NEIL2: variants seen among roughly 807,000 people sequenced by gnomAD.
NEIL2 encodes nei like DNA glycosylase 2.
Under a neutral mutation model 22.2 loss-of-function variants are expected in NEIL2, and 23 were observed. The observed-to-expected ratio is 1.04, with a 90% CI of 0.75 to 1.47. NEIL2 has a LOEUF of 1.47. Ranked by LOEUF, NEIL2 falls within the 40% of genes most tolerant of loss-of-function variation. The pLI is 0.00. For synonymous variants in NEIL2, 229 were observed against 164.8 expected, an observed-to-expected ratio of 1.39 and a Z score of -2.99; for missense variants, 583 against 404.7, an observed-to-expected ratio of 1.44 and a Z score of -3.78.
chr8:11,783,162 G>A, intron 3 of NEIL2, 41 bp from the exon 4 acceptor site: 1 of 1,578,504 alleles, frequency 6.3e-7, no homozygotes, highest in Non-Finnish European at 8.7e-7. Context: ...TGACTATACT[G>A]TGGTAACGAT....
At chr8:11,780,684 A>G (rs754636088) in intron 3 of NEIL2, among the ~76,000 whole-genome samples, 1 of 152,172 alleles carries the variant, frequency 6.6e-6, no homozygotes, top group Non-Finnish European at 1.5e-5. Flanking sequence ...GCTTGGCCCC[A>G]GTTTTTATAA....
At chr8:11,777,418 C>G (rs966715535) in intron 2 of NEIL2, among the ~76,000 whole-genome samples, 2 of 149,292 alleles carry the variant, frequency 1.3e-5, no homozygotes, top group Non-Finnish European at 1.5e-5. Context: ...ACTGTCTTAA[C>G]CATTTTAAAG....
At chr8:11,782,689 A>G in intron 3 of NEIL2, 1 of 196,470 alleles carries the variant, frequency 5.1e-6, no homozygotes, top group Non-Finnish European at 1.1e-5. Context: ...TTATAAAATC[A>G]AAAATTAAAA....
intron 2 of NEIL2, 69 bp downstream of exon 2, chr8:11,771,654 A>G (rs1803455603): frequency 6.6e-7 from 1 of 1,523,360 alleles, no homozygotes; most frequent in Non-Finnish European, 8.9e-7. Context: ...ATCTATCCCC[A>G]TATGTCTCAG....
chr8:11,774,148 G>C (rs1803709361), intron 2 of NEIL2, among the ~76,000 whole-genome samples: 1 of 152,140 alleles, frequency 6.6e-6, no homozygotes, highest in South Asian at 2.1e-4. Context: ...GGCAGAGGTG[G>C]GCAGGTCGCC....
intron 2 of NEIL2, among the ~76,000 whole-genome samples, chr8:11,779,149 C>G (rs974035870): frequency 1.3e-4 from 20 of 152,036 alleles, no homozygotes; most frequent in South Asian, 8.3e-4. Context: ...GTCCAATATG[C>G]TGGTGGAGGG....
chr8:11,784,925 G>A (rs2130544038), intron 4 of NEIL2, among the ~76,000 whole-genome samples: 1 of 152,308 alleles, frequency 6.6e-6, no homozygotes, highest in Admixed American at 6.5e-5. Flanking sequence ...CCAGAGTGCA[G>A]TGGCACAATC....
intron 3 of NEIL2, chr8:11,782,735 G>T (rs1186744585): frequency 4.0e-6 from 1 of 248,868 alleles, no homozygotes; most frequent in Non-Finnish European, 8.0e-6. Flanking sequence ...CTGTATGTGT[G>T]TATGATCCAG....
chr8:11,781,739 C>G (rs1804439436), intron 3 of NEIL2, among the ~76,000 whole-genome samples: 1 of 152,062 alleles, frequency 6.6e-6, no homozygotes, highest in African/African-American at 2.4e-5. Context: ...CTGAGTTTAT[C>G]TACTTTGTTG....
At chr8:11,783,058 T>C in intron 3 of NEIL2, 145 bp from the exon 4 acceptor site, 5 of 743,650 alleles carry the variant, frequency 6.7e-6, no homozygotes, top group Non-Finnish European at 1.2e-5. Context: ...GATGTCTGTA[T>C]GTGTGTATGA....
intron 4 of NEIL2, among the ~76,000 whole-genome samples, chr8:11,784,724 T>G (rs1804741767): frequency 6.6e-6 from 1 of 151,878 alleles, no homozygotes; most frequent in Non-Finnish European, 1.5e-5. Flanking sequence ...GCTGAAAGAG[T>G]ATGGTTGGAA....
Position 11,786,192 on chromosome 8 carries a change from T to G in NEIL2, c.918T>G (p.Asp306Glu). 1 of 1,613,732 alleles carries G rather than the reference T, an allele frequency of 6.2e-7. No individual in the cohort carries two copies. The highest frequency in any genetic ancestry group is 1.1e-5 in the South Asian group (1 of 91,064). The stretch of plus-strand genomic sequence containing the variant: ...TGAAGGAGGCGTTTGGGCCCGAAGA[T>G]GGGTTACAGAGGCTCACCTGGTGGT... ...QVMKEAFGPE[D>E]GLQRLTWWCP... Residue 306 changes from aspartate to glutamate, a missense_variant, in exon 5 of 5, where the codon GAT becomes GAG. Coordinates refer to ENST00000284503, the MANE Select transcript of NEIL2 (RefSeq NM_145043.4).
chr8:11,784,972 G>T (rs750412513), intron 4 of NEIL2, among the ~76,000 whole-genome samples: 16 of 151,442 alleles, frequency 1.1e-4, no homozygotes. Flanking sequence ...TGGCTCAAGC[G>T]ATCCTCCCAC....
intron 3 of NEIL2, among the ~76,000 whole-genome samples, chr8:11,782,286 G>A (rs1293709885): frequency 6.6e-6 from 1 of 152,032 alleles, no homozygotes; most frequent in Non-Finnish European, 1.5e-5. Context: ...TTAGCCAGGT[G>A]TGGTGGTATG....
intron 3 of NEIL2, among the ~76,000 whole-genome samples, chr8:11,782,417 C>A (rs1804505830): frequency 6.6e-6 from 1 of 152,116 alleles, no homozygotes; most frequent in South Asian, 2.1e-4. Context: ...AAGAATGAAA[C>A]TCCATCTCAA....
chr8:11,779,546 C>T, intron 2 of NEIL2, 52 bp from the exon 3 acceptor site: 2 of 1,357,954 alleles, frequency 1.5e-6, no homozygotes, highest in South Asian at 1.2e-5. Flanking sequence ...CCGCATTCCC[C>T]AGTTCCCCTC....
chr8:11,786,231 G>C lies in NEIL2; in HGVS notation c.957G>C (p.Gln319His). Reference protein sequence around the residue: ...QRLTWWCPQCQPQLSEEPEQC... With the variant: ...QRLTWWCPQCHPQLSEEPEQC... ...TCACCTGGTGGTGCCCGCAGTGCCAGCCCCAGTTGTCAGAGGAGCCAGAGC... is the reference window on the plus strand; with the variant it reads ...TCACCTGGTGGTGCCCGCAGTGCCACCCCCAGTTGTCAGAGGAGCCAGAGC... The change falls in exon 5 of 5, where the codon CAG becomes CAC. Residue 319 changes from glutamine to histidine, a missense_variant. By Grantham distance (24) the Gln-to-His change is conservative. Coordinates refer to ENST00000284503, the MANE Select transcript of NEIL2 (RefSeq NM_145043.4). 3 of 1,613,072 alleles carry C rather than the reference G, an allele frequency of 1.9e-6. No homozygotes were observed. Among genetic ancestry groups the C allele is most frequent in the Non-Finnish European group, 2.5e-6 (3 of 1,180,010 alleles).
In NEIL2 at chr8:11,783,244, A is replaced by G; in HGVS notation, c.533A>G (p.Tyr178Cys). ...GGTGGTGGTGGCTTCCTGGCATTTT[A>G]TAATTGTCAGTTGTCTTGGAGCTCT... The part of the protein sequence containing the change: ...HFGGGGFLAF[Y>C]NCQLSWSSSP... Residue 178 changes from tyrosine to cysteine, a missense_variant, in exon 4 of 5, where the codon TAT (tyrosine) becomes TGT (cysteine). Transcript: ENST00000284503. The G allele has an allele frequency of 6.2e-7, 1 of 1,614,156 alleles. No homozygotes were observed. Among genetic ancestry groups the G allele is most frequent in the Non-Finnish European group, 8.5e-7 (1 of 1,180,038 alleles).
In NEIL2 at chr8:11,787,285, G is replaced by C. The variant is rs538388562; in HGVS notation, c.*1012G>C. 6.5e-6 allele frequency: 1 copy of C among 152,800 alleles called. No individual in the cohort carries two copies. The highest frequency in any genetic ancestry group is 1.5e-5 in the Non-Finnish European group (1 of 68,052). The allele number at this position is 152,800 out of a possible 1,614,324, so 9.5% of individuals were successfully genotyped here. A position where few individuals can be genotyped will look rare whatever the true frequency, so the allele number is the denominator to read the frequency against. On this transcript the variant is annotated 3_prime_UTR_variant, in exon 5 of 5. Transcript: ENST00000284503. ...GGCTGTGGAGAAACTCCCTCATGTT[G>C]TTGGCAACAGGTGAATGAACCTAGA...
Sources: gnomAD v4.1 joint callset for allele counts (sites outside exome capture counted in the v4.1 genomes callset) on GRCh38, gnomAD v4.1.1 for gene constraint, MANE v1.5 for transcripts, NCBI Gene and HGNC (gene_info 2026-07-23, HGNC 2026-07-21) for gene names.